PDE4A: variants seen among roughly 807,000 people sequenced by gnomAD.
The protein encoded by PDE4A is phosphodiesterase 4A, also known as 3',5'-cyclic-AMP phosphodiesterase 4A.
PDE4A carries 21 observed loss-of-function variants against 73.9 expected under a neutral mutation model. That is an observed-to-expected ratio of 0.28 (90% CI 0.20 to 0.41). The LOEUF is 0.41. PDE4A is among the 10% of genes least tolerant of loss of function. The pLI is 1.00. For synonymous variants in PDE4A, 463 were observed against 505.4 expected (o/e 0.92, Z 1.13); for missense variants, 958 against 1,211.4 (o/e 0.79, Z 3.10).
At chr19:10,461,724 G>C in intron 12 of PDE4A, 44 bp downstream of exon 12, 5 of 1,607,568 alleles carry the variant, frequency 3.1e-6, no homozygotes, top group Non-Finnish European at 3.4e-6. Flanking sequence ...GGAAGCCTAG[G>C]AGTCGAGGGC....
At chr19:10,436,310 C>T (rs372465476) in intron 1 of PDE4A, among the ~76,000 whole-genome samples, 143 of 152,282 alleles carry the variant, frequency 9.4e-4, no homozygotes, top group South Asian at 3.9e-3. Flanking sequence ...AATCCCAGCA[C>T]TTTGGGAGGC....
chr19:10,420,829 G>A lies in PDE4A; in HGVS notation c.65G>A (p.Gly22Asp), dbSNP rs757137660. The A allele has an allele frequency of 6.3e-7, 1 of 1,588,426 alleles. No individual in the cohort carries two copies. Residue 22 changes from glycine (G) to aspartate (D), a missense_variant, in exon 1 of 15, where the codon GGC (glycine) becomes GAC (aspartate). Physicochemically the swap from Gly to Asp is moderately conservative, Grantham distance 94. Transcript: ENST00000380702. The surrounding 1 kb of genome is among the most constrained non-coding windows in gnomAD (Gnocchi z 6.0). Reference sequence around the variant, plus strand: ...CTGTCACTGCCCGGGCCCCGGGAGGGCCAGGCCACCCTGAAGCCTCCCCCG... The same window carrying A: ...CTGTCACTGCCCGGGCCCCGGGAGGACCAGGCCACCCTGAAGCCTCCCCCG... ...LSLSLPGPRE[G>D]QATLKPPPQH...
chr19:10,441,687 T>TA (rs200479409), intron 1 of PDE4A, among the ~76,000 whole-genome samples: 14,763 of 140,948 alleles, frequency 0.1, 943 homozygotes, highest in South Asian at 0.21. Context: ...TTGAGTTATT[T>TA]TTTTTTTTTT....
rs534392776 is a variant in PDE4A, at chr19:10,458,245, C to G, written c.1101+143C>G. The stretch of plus-strand genomic sequence containing the variant: ...GGGTTTGAGCCCATCTTGAGGCAAG[C>G]ATGCTGGCTCTTTGTACCTCTGTAT... On this transcript the variant is annotated intron_variant, in intron 8 of 14. Coordinates refer to ENST00000380702, the MANE Select transcript of PDE4A (RefSeq NM_001111307.2). The surrounding 1 kb of genome is among the most constrained non-coding windows in gnomAD (Gnocchi z 4.6). 10 of 736,906 alleles carry G rather than the reference C, an allele frequency of 1.4e-5. No individual in the cohort carries two copies. Among genetic ancestry groups the G allele is most frequent in the Non-Finnish European group, 2.2e-5 (10 of 451,658 alleles). 45.6% of individuals were successfully genotyped at this position (736,906 alleles called of 1,614,324 possible).
chr19:10,460,859 A>G (rs1002589855), intron 10 of PDE4A, 145 bp from the exon 11 acceptor site: 2 of 680,948 alleles, frequency 2.9e-6, no homozygotes, highest in Non-Finnish European at 4.5e-6. Flanking sequence ...TATGTTGCCC[A>G]GGATGGCCTC....
intron 1 of PDE4A, chr19:10,428,759 C>A: frequency 2.0e-6 from 2 of 985,194 alleles, no homozygotes; most frequent in Non-Finnish European, 1.2e-6. Context: ...CACGCAAGCC[C>A]AGGCTTCCTC....
chr19:10,427,615 C>T (rs1325057280), intron 1 of PDE4A: 1 of 985,184 alleles, frequency 1.0e-6, no homozygotes. Context: ...GCTTGTGTAG[C>T]CTCATGGCTA....
Position 10,469,540 on chromosome 19 carries a change from T to C in PDE4A, c.*1919T>C, listed in dbSNP as rs2043442100. On this transcript the variant is annotated 3_prime_UTR_variant, in exon 15 of 15. Coordinates refer to ENST00000380702, the MANE Select transcript of PDE4A (RefSeq NM_001111307.2). ...TGAGCACAGGACCTCTGTAAGCTGC[T>C]TGTGTATTGTCCACTTTGACGATCA... 2 of 152,382 alleles carry C rather than the reference T, an allele frequency of 1.3e-5. No homozygotes were observed. The highest frequency in any genetic ancestry group is 6.5e-5 in the Admixed American group (1 of 15,272). 9.4% of individuals were successfully genotyped at this position (152,382 alleles called of 1,614,324 possible).
At chr19:10,454,118 G>T (rs2043135758) in intron 6 of PDE4A, among the ~76,000 whole-genome samples, 1 of 152,156 alleles carries the variant, frequency 6.6e-6, no homozygotes, top group Non-Finnish European at 1.5e-5. Flanking sequence ...CCGGTTTTGG[G>T]TATACTCTGT....
chr19:10,461,179 G>C, intron 11 of PDE4A, 76 bp downstream of exon 11: 5 of 1,546,558 alleles, frequency 3.2e-6, no homozygotes, highest in Non-Finnish European at 4.4e-6. Flanking sequence ...GAACTAACTA[G>C]GCTGGAGGAG....
chr19:10,432,961 TC>T (rs1470462541), intron 1 of PDE4A, among the ~76,000 whole-genome samples: 1 of 151,874 alleles, frequency 6.6e-6, no homozygotes, highest in Non-Finnish European at 1.5e-5. Flanking sequence ...AGCCTTACCT[TC>T]CCCACCCCCT....
chr19:10,432,469 G>A (rs1266966657), intron 1 of PDE4A: 5 of 1,493,450 alleles, frequency 3.3e-6, no homozygotes, highest in East Asian at 3.0e-5. Context: ...GCCCGGCCCC[G>A]GCCCCCTGCC....
At chr19:10,417,704 G>A, upstream of PDE4A, 2 of 1,595,214 alleles carry the variant, frequency 1.3e-6, no homozygotes, top group Non-Finnish European at 1.7e-6. Context: ...ACATGCTGGG[G>A]GCCGACCTGC....
chr19:10,453,412 G>T lies in PDE4A; in HGVS notation c.784-1417G>T, dbSNP rs143831480. On this transcript the variant is annotated intron_variant, in intron 6 of 14. Coordinates refer to ENST00000380702, the MANE Select transcript of PDE4A (RefSeq NM_001111307.2). The surrounding 1 kb of genome is among the most constrained non-coding windows in gnomAD (Gnocchi z 4.6). ...TGGGCTTGTGTGTGCAGCTGTGCAC[G>T]TGTGTGGCCTGGAGATGAAGCCTTG... The T allele has an allele frequency of 1.4e-6, 2 of 1,472,522 alleles. No individual in the cohort carries two copies. Among genetic ancestry groups the T allele is most frequent in the Non-Finnish European group, 9.1e-7 (1 of 1,096,608 alleles). The allele number at this position is 1,472,522 out of a possible 1,614,324, so 91.2% of individuals were successfully genotyped here.
chr19:10,416,879 TGTAG>T (rs2042592764), upstream of PDE4A: 1 of 1,534,412 alleles, frequency 6.5e-7, no homozygotes, highest in African/African-American at 1.4e-5. Context: ...GGCTTGGTCT[TGTAG>T]GAGGCCCTGG....
rs1278290606 is a variant in PDE4A at position 10,420,783 on chromosome 19, C to G, written c.19C>G (p.Pro7Ala). ...CGGCGCCATGGAACCCCCGACCGTC[C>G]CCTCGGAAAGGAGCCTGTCTCTGTC... The part of the protein sequence containing the change: MEPPTV[P>A]SERSLSLSLP... Residue 7 changes from proline to alanine, a missense_variant, in exon 1 of 15, where the codon CCC (proline) becomes GCC (alanine). Coordinates refer to ENST00000380702, the MANE Select transcript of PDE4A (RefSeq NM_001111307.2). The surrounding 1 kb of genome is among the most constrained non-coding windows in gnomAD (Gnocchi z 6.0). The G allele has an allele frequency of 6.3e-7, 1 of 1,575,814 alleles. No individual in the cohort carries two copies. Among genetic ancestry groups the G allele is most frequent in the Non-Finnish European group, 8.5e-7 (1 of 1,170,622 alleles).
At chr19:10,418,492 T>G (rs2042608781), upstream of PDE4A, among the ~76,000 whole-genome samples, 1 of 151,530 alleles carries the variant, frequency 6.6e-6, no homozygotes. Flanking sequence ...CTTTCGGCAG[T>G]TCCAATCCAC....
chr19:10,433,591 G>C (rs2042823698), intron 1 of PDE4A, among the ~76,000 whole-genome samples: 1 of 152,136 alleles, frequency 6.6e-6, no homozygotes, highest in Non-Finnish European at 1.5e-5. Flanking sequence ...CCCAGCCCCT[G>C]CTCACACAGG....
chr19:10,462,329 C>G (rs2043287227), intron 13 of PDE4A, among the ~76,000 whole-genome samples: 1 of 151,928 alleles, frequency 6.6e-6, no homozygotes, highest in African/African-American at 2.4e-5. Flanking sequence ...TAATTTTGTA[C>G]TTTTAGTAGA....
Sources: gnomAD v4.1 joint callset for allele counts (sites outside exome capture counted in the v4.1 genomes callset) on GRCh38, gnomAD v4.1.1 for gene constraint, Gnocchi (gnomAD v3.1) non-coding constraint, MANE v1.5 for transcripts, NCBI Gene and HGNC (gene_info 2026-07-23, HGNC 2026-07-21) for gene names.